FAM3C: variants seen among roughly 807,000 people sequenced by gnomAD.
FAM3C encodes FAM3 metabolism regulating signaling molecule C.
Under a neutral mutation model 32.5 loss-of-function variants are expected in FAM3C, and 15 were observed. The observed-to-expected ratio is 0.46, with a 90% CI of 0.31 to 0.71. The LOEUF (loss-of-function observed/expected upper bound fraction) is 0.71, where lower values mean the gene tolerates loss of function less well. FAM3C is among the 30% of genes least tolerant of loss of function. FAM3C has a pLI of 0.05. For synonymous variants in FAM3C, 75 were observed against 86.1 expected (o/e 0.87, Z 0.72); for missense variants, 175 against 274.4 (o/e 0.64, Z 2.56).
rs1584706315 is a variant in FAM3C at position 121,383,008 on chromosome 7, C to T, written c.-39G>A. The T allele has an allele frequency of 1.3e-6, 2 of 1,566,536 alleles. No individual in the cohort carries two copies. Among genetic ancestry groups the T allele is most frequent in the East Asian group, 2.3e-5 (1 of 44,018 alleles). ...GTTTATGGCACTTTTCATTAATATG[C>T]TCCTAAAAAATCAAAACAAAAAGCA... On this transcript the variant is annotated splice_region_variant and 5_prime_UTR_variant, in exon 2 of 10. Coordinates refer to ENST00000359943, the MANE Select transcript of FAM3C (RefSeq NM_014888.3).
At chr7:121,368,684 G>A (rs368478740) in intron 5 of FAM3C, among the ~76,000 whole-genome samples, 11 of 152,052 alleles carry the variant, frequency 7.2e-5, no homozygotes, top group Admixed American at 5.2e-4. Context: ...CTTTACCTGC[G>A]TGGCCTACAA....
At chr7:121,357,117 C>A (rs986228227) in intron 8 of FAM3C, among the ~76,000 whole-genome samples, 8 of 152,150 alleles carry the variant, frequency 5.3e-5, no homozygotes, top group Admixed American at 1.3e-4. Context: ...CAAACACACT[C>A]TGGGAAATAA....
chr7:121,356,273 AG>A (rs1241596081), intron 8 of FAM3C, among the ~76,000 whole-genome samples: 1 of 152,216 alleles, frequency 6.6e-6, no homozygotes, highest in African/African-American at 2.4e-5. Flanking sequence ...ATTCATTTTA[AG>A]AGAGACAATA....
At chr7:121,356,550 T>C (rs1000352057) in intron 8 of FAM3C, among the ~76,000 whole-genome samples, 1 of 152,194 alleles carries the variant, frequency 6.6e-6, no homozygotes, top group Non-Finnish European at 1.5e-5. Context: ...ACTGTGAATA[T>C]TTTGTTTCAA....
At chr7:121,376,016 T>A (rs766604883) in intron 3 of FAM3C, among the ~76,000 whole-genome samples, 5 of 152,236 alleles carry the variant, frequency 3.3e-5, no homozygotes, top group East Asian at 1.9e-4. Context: ...GCTATGCACA[T>A]TGCTTCCAGA....
intron 1 of FAM3C, among the ~76,000 whole-genome samples, chr7:121,389,315 T>C (rs1207863703): frequency 1.3e-5 from 2 of 152,184 alleles, no homozygotes; most frequent in Non-Finnish European, 2.9e-5. Flanking sequence ...TGGTATTTAG[T>C]GGATCAACAA....
At chr7:121,390,736 G>C (rs906799909) in intron 1 of FAM3C, among the ~76,000 whole-genome samples, 1 of 151,150 alleles carries the variant, frequency 6.6e-6, no homozygotes, top group African/African-American at 2.4e-5. Flanking sequence ...CCTAGGAGTG[G>C]GATTAAAGCT....
Position 121,395,853 on chromosome 7 carries a change from C to A in FAM3C, c.-42+309G>T, listed in dbSNP as rs538746015. On this transcript the variant is annotated intron_variant, in intron 1 of 9. Coordinates refer to ENST00000359943, the MANE Select transcript of FAM3C (RefSeq NM_014888.3). ...GGGGAAGATGCGACCCAGGTGCCCG[C>A]CCCAGGCCGGGGCGCCGAGTGCCAG... Among the ~76,000 whole-genome samples the A allele has an allele frequency of 3.0e-3, 452 of 152,132 alleles. 4 individuals carry two copies. The highest frequency in any genetic ancestry group is 0.01 in the African/African-American group (434 of 41,550).
intron 8 of FAM3C, among the ~76,000 whole-genome samples, chr7:121,359,074 TA>T (rs1054414045): frequency 4.6e-5 from 7 of 151,798 alleles, no homozygotes; most frequent in Non-Finnish European, 8.8e-5. Flanking sequence ...AATTGAAACT[TA>T]AAAAAATTAA....
intron 8 of FAM3C, among the ~76,000 whole-genome samples, chr7:121,353,644 AT>A (rs1793751726): frequency 6.6e-6 from 1 of 152,166 alleles, no homozygotes; most frequent in South Asian, 2.1e-4. Flanking sequence ...GGAGTCTGGT[AT>A]TTTGCAACAG....
intron 9 of FAM3C, 55 bp downstream of exon 9, chr7:121,351,088 C>A (rs1793694175): frequency 2.2e-5 from 34 of 1,528,214 alleles, no homozygotes; most frequent in East Asian, 4.5e-5. Context: ...GGAAAATGTA[C>A]CGTAAGGTTT....
chr7:121,352,638 T>C (rs1793727065), intron 8 of FAM3C, among the ~76,000 whole-genome samples: 1 of 152,200 alleles, frequency 6.6e-6, no homozygotes, highest in Non-Finnish European at 1.5e-5. Context: ...AATCTGTGCA[T>C]ATGCACTGGC....
At chr7:121,395,576 A>T in intron 1 of FAM3C, among the ~76,000 whole-genome samples, 1 of 152,166 alleles carries the variant, frequency 6.6e-6, no homozygotes. Context: ...ATCTAGGGCC[A>T]CTAATCATCA....
intron 3 of FAM3C, among the ~76,000 whole-genome samples, chr7:121,374,008 G>A (rs116501382): frequency 2.7e-3 from 359 of 130,768 alleles, no homozygotes; most frequent in African/African-American, 5.1e-3. Flanking sequence ...AAAAAAAAAA[G>A]AAAAAAAAAA....
chr7:121,364,133 T>A lies in FAM3C; in HGVS notation c.328A>T (p.Asn110Tyr), dbSNP rs887895408. The A allele has an allele frequency of 6.3e-7, 1 of 1,593,808 alleles. No homozygotes were observed. The highest frequency in any genetic ancestry group is 8.6e-7 in the Non-Finnish European group (1 of 1,161,880). The change falls in exon 6 of 10, where the codon AAT becomes TAT. Residue 110 changes from asparagine to tyrosine, a missense_variant. By Grantham distance (143) the Asn-to-Tyr change is moderately radical (BLOSUM62 -2). Coordinates refer to ENST00000359943, the MANE Select transcript of FAM3C (RefSeq NM_014888.3). ...AAGCTAAAATAATTGTTCTTACCAT[T>A]TGCCAAGGCAACATTGATCCCTCTT... ...VGRGINVALA[N>Y]GKTGEVLDTK... is the part of the protein sequence containing the mutation.
At chr7:121,390,154 A>G (rs1338654681) in intron 1 of FAM3C, among the ~76,000 whole-genome samples, 1 of 152,224 alleles carries the variant, frequency 6.6e-6, no homozygotes, top group Non-Finnish European at 1.5e-5. Flanking sequence ...TGTTAAGATA[A>G]TAAGAGGAAC....
At chr7:121,372,866 C>T (rs1037907286) in intron 3 of FAM3C, among the ~76,000 whole-genome samples, 131 of 152,270 alleles carry the variant, frequency 8.6e-4, no homozygotes, top group African/African-American at 3.0e-3. Context: ...TAAATAGTCA[C>T]ACAGTTTTTA....
chr7:121,362,585 C>A, intron 7 of FAM3C: 1 of 245,892 alleles, frequency 4.1e-6, no homozygotes, highest in Non-Finnish European at 7.6e-6. Context: ...AAATTTTAGA[C>A]ACACTTAAAG....
At chr7:121,358,984 GA>G (rs995747027) in intron 8 of FAM3C, among the ~76,000 whole-genome samples, 4 of 146,256 alleles carry the variant, frequency 2.7e-5, no homozygotes, top group Non-Finnish European at 4.5e-5. Flanking sequence ...AAAGGCAAAA[GA>G]AAAAAAAACC....
Sources: gnomAD v4.1 joint callset for allele counts (sites outside exome capture counted in the v4.1 genomes callset) on GRCh38, gnomAD v4.1.1 for gene constraint, MANE v1.5 for transcripts, NCBI Gene and HGNC (gene_info 2026-07-23, HGNC 2026-07-21) for gene names.